Variants in EFCAB6 observed in about 807,000 individuals in gnomAD.
EFCAB6 encodes the protein EF-hand calcium binding domain 6, also known as EF-hand calcium-binding domain-containing protein 6.
In EFCAB6, 156 loss-of-function variants were observed where a neutral mutation model predicts 169.8. The ratio of observed to expected loss-of-function variants is 0.92; its 90% CI spans 0.81 to 1.05. The LOEUF (loss-of-function observed/expected upper bound fraction) is 1.05. Ranked by LOEUF, EFCAB6 falls within the 50% of genes least tolerant of loss-of-function variation. EFCAB6 has a pLI of 0.00. For missense variants in EFCAB6, 1,800 were observed against 1,829.1 expected, an observed-to-expected ratio of 0.98 and a Z score of 0.29; for synonymous variants, 698 against 676.4, an observed-to-expected ratio of 1.03 and a Z score of -0.50.
chr22:43,686,392 A>T (rs2058195790), intron 11 of EFCAB6, among the ~76,000 whole-genome samples: 1 of 152,240 alleles, frequency 6.6e-6, no homozygotes, highest in Non-Finnish European at 1.5e-5. Context: ...ATCAGCTCCC[A>T]TCAGTAGCTT....
rs950749076 is a variant in EFCAB6 at position 43,780,566 on chromosome 22, G to C, written c.139+1614C>G. 9.3e-5 allele frequency among the ~76,000 whole-genome samples: 14 copies of C among 150,224 alleles called. No homozygotes were observed. The South Asian group carries it at 1.9e-3, about 20-fold the overall frequency. On this transcript the variant is annotated intron_variant, in intron 3 of 31. Transcript: ENST00000262726. ...CACCTCACTCTAGTCTTCTTTGTAC[G>C]ATCAGAAAGTTAGTTAAATAAAGAT... is the stretch of plus-strand genomic sequence containing the variant.
chr22:43,695,178 C>T (rs1430198568), intron 10 of EFCAB6, among the ~76,000 whole-genome samples: 2 of 151,932 alleles, frequency 1.3e-5, no homozygotes, highest in Non-Finnish European at 2.9e-5. Context: ...AGTCAATATA[C>T]AAACATCAAT....
At position 43,643,355 on chromosome 22, in the gene EFCAB6, T is replaced by G. The variant is rs563820646; in HGVS notation, c.1984-8139A>C. ...TCGGACTCCACGGGACAACATTGTC[T>G]CATAGACTCAGCACTGGAAGAAATA... On this transcript the variant is annotated intron_variant, in intron 17 of 31. Transcript: ENST00000262726. 5.3e-5 allele frequency among the ~76,000 whole-genome samples: 8 copies of G among 152,360 alleles called. No homozygotes were observed. The East Asian group carries it at 1.5e-3, about 29-fold the overall frequency.
chr22:43,734,936 T>C lies in EFCAB6; in HGVS notation c.644+921A>G, dbSNP rs142685961. 3.0e-3 allele frequency among the ~76,000 whole-genome samples: 451 copies of C among 152,294 alleles called. 1 individual carries two copies. Among genetic ancestry groups the C allele is most frequent in the Middle Eastern group, 0.017 (5 of 294 alleles). ...AAGGAGCTACCGGGACCCATTTTCA[T>C]AGCAACTTAGAACACCAGTGCAATG... On this transcript the variant is annotated intron_variant, in intron 7 of 31. Transcript: ENST00000262726.
intron 17 of EFCAB6, among the ~76,000 whole-genome samples, chr22:43,663,039 A>G (rs911894589): frequency 2.0e-5 from 3 of 152,338 alleles, no homozygotes; most frequent in South Asian, 4.1e-4. Context: ...CTCTATACCT[A>G]CAGGCTTCCT....
chr22:43,760,592 C>T (rs1213648736), intron 5 of EFCAB6, among the ~76,000 whole-genome samples: 2 of 151,652 alleles, frequency 1.3e-5, no homozygotes, highest in Non-Finnish European at 2.9e-5. Context: ...GGTGTTGCCA[C>T]TGTGAGAGGA....
intron 6 of EFCAB6, among the ~76,000 whole-genome samples, chr22:43,747,451 T>C (rs2060605344): frequency 6.6e-6 from 1 of 152,138 alleles, no homozygotes; most frequent in Non-Finnish European, 1.5e-5. Context: ...TAACTGTATG[T>C]AGAGGGTGAG....
chr22:43,673,099 T>C (rs574825828), intron 13 of EFCAB6, among the ~76,000 whole-genome samples: 6 of 152,286 alleles, frequency 3.9e-5, no homozygotes, highest in African/African-American at 7.2e-5. Flanking sequence ...TTCTGGAAGG[T>C]ATTTTTGTCT....
intron 5 of EFCAB6, among the ~76,000 whole-genome samples, chr22:43,761,432 G>A (rs1291347730): frequency 6.6e-6 from 1 of 151,168 alleles, no homozygotes; most frequent in Non-Finnish European, 1.5e-5. Flanking sequence ...CTATCTCTCA[G>A]TCCACAAATG....
At chr22:43,548,654 A>G (rs1432896303) in intron 27 of EFCAB6, among the ~76,000 whole-genome samples, 3 of 151,800 alleles carry the variant, frequency 2.0e-5, no homozygotes. Context: ...GCACATACAT[A>G]TATTATAATA....
chr22:43,710,394 T>C (rs576502890), intron 10 of EFCAB6, among the ~76,000 whole-genome samples: 8 of 152,286 alleles, frequency 5.3e-5, no homozygotes, highest in South Asian at 2.1e-4. Flanking sequence ...CTGTAATGAA[T>C]TGAGACACAA....
chr22:43,793,679 G>C lies in EFCAB6; in HGVS notation c.-7-11354C>G, dbSNP rs574325942. Among the ~76,000 whole-genome samples, 15 of 142,350 alleles carry C rather than the reference G, an allele frequency of 1.1e-4. No individual in the cohort carries two copies. The South Asian group carries it at 3.2e-3, about 31-fold the overall frequency. The allele number at this position is 142,350 out of a possible 152,430, so 93.4% of individuals were successfully genotyped here. ...GAGAAATTCAGCATTGCTCTGTGGG[G>C]TACCTGTCTGACTAGAGACTAACAC... On this transcript the variant is annotated intron_variant, in intron 2 of 31. Transcript: ENST00000262726.
At chr22:43,620,328 AAAAAGAAAAG>A (rs561220541) in intron 20 of EFCAB6, among the ~76,000 whole-genome samples, 2 of 151,934 alleles carry the variant, frequency 1.3e-5, no homozygotes, top group East Asian at 1.9e-4. Flanking sequence ...AAAGAAAAGA[AAAAAGAAAAG>A]AAAAGAAAAG....
At chr22:43,607,630 A>C (rs1164554691) in intron 22 of EFCAB6, among the ~76,000 whole-genome samples, 1 of 152,248 alleles carries the variant, frequency 6.6e-6, no homozygotes, top group Non-Finnish European at 1.5e-5. Flanking sequence ...AATTAGACAC[A>C]AAACAACCCA....
At chr22:43,535,054 C>T (rs948412791) in intron 29 of EFCAB6, 182 bp from the exon 30 acceptor site, 5 of 626,718 alleles carry the variant, frequency 8.0e-6, no homozygotes, top group Non-Finnish European at 1.3e-5. Flanking sequence ...AACTAAGTGC[C>T]GCAGGGAGGG....
At chr22:43,646,644 T>C (rs2056176911) in intron 17 of EFCAB6, among the ~76,000 whole-genome samples, 2 of 152,208 alleles carry the variant, frequency 1.3e-5, no homozygotes, top group Non-Finnish European at 2.9e-5. Flanking sequence ...ACATCGAGTA[T>C]AAAAATTAAT....
chr22:43,592,187 G>A (rs535536657), intron 23 of EFCAB6, among the ~76,000 whole-genome samples: 85 of 152,296 alleles, frequency 5.6e-4, no homozygotes, highest in African/African-American at 1.7e-3. Context: ...GAAGGAGAGC[G>A]GTATTAACTT....
chr22:43,810,183 C>T (rs976290436), intron 1 of EFCAB6, among the ~76,000 whole-genome samples: 1 of 152,198 alleles, frequency 6.6e-6, no homozygotes, highest in Non-Finnish European at 1.5e-5. Context: ...CCAACTTGTA[C>T]TTTTCCATAG....
Position 43,805,263 on chromosome 22 carries a change from GAATT to G in EFCAB6, c.-8+3728_-8+3731del, listed in dbSNP as rs542617236. 1.3e-4 allele frequency among the ~76,000 whole-genome samples: 20 copies of G among 152,268 alleles called. No homozygotes were observed. The East Asian group carries it at 2.3e-3, about 18-fold the overall frequency. On this transcript the variant is annotated intron_variant, in intron 2 of 31. Transcript: ENST00000262726. ...GGTATTTCATGCTCATGGATTGAAA[GAATT>G]AATATTGTTAAAATGGCAATACTAC...
Sources: gnomAD v4.1 joint callset for allele counts (sites outside exome capture counted in the v4.1 genomes callset) on GRCh38, gnomAD v4.1.1 for gene constraint, MANE v1.5 for transcripts, NCBI Gene and HGNC (gene_info 2026-07-23, HGNC 2026-07-21) for gene names.